The following ENOX1 variants were observed in gnomAD, a reference collection of about 807,000 sequenced individuals.
The protein encoded by ENOX1 is ecto-NOX disulfide-thiol exchanger 1, also known as candidate growth-related and time keeping constitutive hydroquinone (NADH) oxidase.
A neutral mutation model predicts 82.5 loss-of-function variants in ENOX1; 42 were observed. The observed-to-expected ratio is 0.51, with a 90% CI of 0.40 to 0.66. The LOEUF (loss-of-function observed/expected upper bound fraction) is 0.66. Among genes scored for constraint, ENOX1 ranks in the 30% least tolerant of loss-of-function variants. ENOX1 has a pLI of 0.00. For synonymous variants in ENOX1, 271 were observed against 282.2 expected (o/e 0.96, Z 0.40); for missense variants, 608 against 811.6 (o/e 0.75, Z 3.05).
intron 5 of ENOX1, among the ~76,000 whole-genome samples, chr13:43,406,218 G>A (rs2153594534): frequency 6.6e-6 from 1 of 152,330 alleles, no homozygotes; most frequent in South Asian, 2.1e-4. Context: ...GGAAACACCA[G>A]TGAATGGGAG....
At chr13:43,735,677 C>T (rs1238509883) in intron 1 of ENOX1, among the ~76,000 whole-genome samples, 4 of 151,972 alleles carry the variant, frequency 2.6e-5, no homozygotes, top group East Asian at 3.9e-4. Flanking sequence ...GCTGAGATCA[C>T]ACCACTGCAC....
chr13:43,586,327 T>C (rs2080979814), intron 2 of ENOX1, among the ~76,000 whole-genome samples: 1 of 152,268 alleles, frequency 6.6e-6, no homozygotes, highest in African/African-American at 2.4e-5. Flanking sequence ...GTTTGACACC[T>C]ACCTAGGCAT....
intron 3 of ENOX1, among the ~76,000 whole-genome samples, chr13:43,437,520 A>G (rs547738242): frequency 6.6e-6 from 1 of 152,324 alleles, no homozygotes; most frequent in Admixed American, 6.5e-5. Flanking sequence ...CCGGAATTCC[A>G]AAGAGTTGGT....
chr13:43,455,739 G>T (rs2057196646), intron 3 of ENOX1, among the ~76,000 whole-genome samples: 1 of 152,018 alleles, frequency 6.6e-6, no homozygotes, highest in African/African-American at 2.4e-5. Context: ...AATCATGGGG[G>T]GTGGTTTCCT....
intron 3 of ENOX1, among the ~76,000 whole-genome samples, chr13:43,470,298 A>ACG (rs1491446387): frequency 2.0e-5 from 1 of 50,420 alleles, no homozygotes; most frequent in Admixed American, 1.9e-4. Flanking sequence ...ATATATACAC[A>ACG]TATATATACA....
At chr13:43,264,890 T>C (rs1186695082) in intron 14 of ENOX1, among the ~76,000 whole-genome samples, 1 of 152,228 alleles carries the variant, frequency 6.6e-6, no homozygotes, top group African/African-American at 2.4e-5. Flanking sequence ...TCACACATTA[T>C]TCTTTATCAA....
chr13:43,739,764 G>A (rs1000732677), intron 1 of ENOX1, among the ~76,000 whole-genome samples: 1 of 151,768 alleles, frequency 6.6e-6, no homozygotes, highest in African/African-American at 2.4e-5. Flanking sequence ...GTGATATACG[G>A]TTAACCCTTA....
intron 1 of ENOX1, among the ~76,000 whole-genome samples, chr13:43,732,121 C>G (rs1346926862): frequency 1.3e-5 from 2 of 152,190 alleles, no homozygotes; most frequent in South Asian, 2.1e-4. Flanking sequence ...TGCCTGATAG[C>G]CCCTTACTCC....
At chr13:43,559,363 T>C (rs555918074) in intron 2 of ENOX1, among the ~76,000 whole-genome samples, 39 of 152,240 alleles carry the variant, frequency 2.6e-4, no homozygotes, top group Non-Finnish European at 4.4e-4. Context: ...TTTTATCCTT[T>C]GTCACTTTAT....
At chr13:43,568,748 G>T (rs1260102230) in intron 2 of ENOX1, among the ~76,000 whole-genome samples, 4 of 151,084 alleles carry the variant, frequency 2.6e-5, no homozygotes, top group African/African-American at 4.9e-5. Context: ...GTTGATTTGG[G>T]TCTATTAGTA....
chr13:43,423,139 T>C (rs1268604713), intron 3 of ENOX1, among the ~76,000 whole-genome samples: 1 of 152,182 alleles, frequency 6.6e-6, no homozygotes. Flanking sequence ...CTAGAGATTT[T>C]CTGAAAAGGG....
chr13:43,614,582 A>G (rs2225272), intron 2 of ENOX1, among the ~76,000 whole-genome samples: 141,589 of 146,644 alleles, frequency 0.97, 68,561 homozygotes, highest in East Asian at 1. Flanking sequence ...TTGTGTTCTC[A>G]CTTTCTCTGT....
At chr13:43,547,923 T>C (rs2079037963) in intron 2 of ENOX1, 1 of 152,228 alleles carries the variant, frequency 6.6e-6, no homozygotes, top group Non-Finnish European at 1.5e-5. Context: ...TAACTTAGTT[T>C]ACAGGTTTGA....
chr13:43,470,379 TATATATAC>T (rs1566308294), intron 3 of ENOX1, among the ~76,000 whole-genome samples: 1,073 of 71,038 alleles, frequency 0.015, 351 homozygotes, highest in Non-Finnish European at 0.024. Flanking sequence ...TATATATACA[TATATATAC>T]GTATATATAT....
chr13:43,480,938 T>A (rs185366785), intron 3 of ENOX1, among the ~76,000 whole-genome samples: 1 of 152,300 alleles, frequency 6.6e-6, no homozygotes, highest in Admixed American at 6.5e-5. Context: ...CTAATGCTAA[T>A]CCTTCTCAAA....
intron 2 of ENOX1, among the ~76,000 whole-genome samples, chr13:43,643,132 T>G (rs2083729585): frequency 6.6e-6 from 1 of 152,208 alleles, no homozygotes; most frequent in Non-Finnish European, 1.5e-5. Context: ...CGCACAAATG[T>G]GCAAGCTCCC....
chr13:43,408,027 G>C (rs552002256), intron 5 of ENOX1, among the ~76,000 whole-genome samples: 146 of 152,290 alleles, frequency 9.6e-4, no homozygotes, highest in African/African-American at 2.9e-3. Flanking sequence ...TGGGATAAAA[G>C]GAACAAATTC....
chr13:43,588,332 A>G (rs1339297842), intron 2 of ENOX1, among the ~76,000 whole-genome samples: 1 of 152,210 alleles, frequency 6.6e-6, no homozygotes, highest in Non-Finnish European at 1.5e-5. Context: ...TTCAATCACT[A>G]TAAGATCAAA....
At chr13:43,594,930 C>T (rs1184335794) in intron 2 of ENOX1, among the ~76,000 whole-genome samples, 1 of 151,888 alleles carries the variant, frequency 6.6e-6, no homozygotes, top group African/African-American at 2.4e-5. Context: ...ACTCCAAGAC[C>T]AAGATTTTCC....
Sources: allele counts gnomAD v4.1 joint callset (sites outside exome capture counted in the v4.1 genomes callset), GRCh38; gene constraint gnomAD v4.1.1; transcripts MANE v1.5; gene names NCBI Gene and HGNC (gene_info 2026-07-23, HGNC 2026-07-21).